Variants in CORO2B observed in about 807,000 individuals in gnomAD.
The protein encoded by CORO2B is coronin-2B.
Under a neutral mutation model 58.8 loss-of-function variants are expected in CORO2B, and 26 were observed. That is an observed-to-expected ratio of 0.44 (90% CI 0.32 to 0.61). CORO2B has a LOEUF of 0.61. Ranked by LOEUF, CORO2B falls within the 20% of genes least tolerant of loss-of-function variation. The pLI, the probability that CORO2B is intolerant of heterozygous loss-of-function variation, is 0.04. For synonymous variants in CORO2B, 242 were observed against 253.8 expected, an observed-to-expected ratio of 0.95 and a Z score of 0.44; for missense variants, 460 against 645.1, an observed-to-expected ratio of 0.71 and a Z score of 3.11.
intron 2 of CORO2B, among the ~76,000 whole-genome samples, chr15:68,653,659 A>G (rs1283319474): frequency 6.6e-6 from 1 of 152,194 alleles, no homozygotes; most frequent in Non-Finnish European, 1.5e-5. Flanking sequence ...TGGATCATTT[A>G]GCTCCATAGC....
At chr15:68,642,343 G>A (rs1901277403) in intron 1 of CORO2B, among the ~76,000 whole-genome samples, 1 of 152,198 alleles carries the variant, frequency 6.6e-6, no homozygotes, top group African/African-American at 2.4e-5. Flanking sequence ...GTACCCCAGG[G>A]AGAGCCTGCG....
chr15:68,718,712 C>T lies in CORO2B; in HGVS notation c.982C>T (p.His328Tyr), dbSNP rs1185177643. Reference protein sequence around the residue: ...PQKGLGVMPKHGLDVSACEVF... With the variant: ...PQKGLGVMPKYGLDVSACEVF... ...GCCTGTTACAGGGGTCATGCCCAAGCACGGGCTGGATGTGTCAGCCTGCGA... is the reference window on the plus strand; with the variant it reads ...GCCTGTTACAGGGGTCATGCCCAAGTACGGGCTGGATGTGTCAGCCTGCGA... The change falls in exon 9 of 12, where the codon CAC becomes TAC. Residue 328 changes from histidine (H) to tyrosine (Y), a missense_variant. Coordinates refer to ENST00000261861, the MANE Select transcript of CORO2B (RefSeq NM_006091.5). 6.2e-7 allele frequency: 1 copy of T among 1,614,034 alleles called. No individual in the cohort carries two copies. The highest frequency in any genetic ancestry group is 8.5e-7 in the Non-Finnish European group (1 of 1,180,022).
intron 1 of CORO2B, among the ~76,000 whole-genome samples, chr15:68,618,534 C>T (rs947212666): frequency 1.2e-4 from 18 of 152,194 alleles, no homozygotes; most frequent in African/African-American, 3.6e-4. Flanking sequence ...GGCGTGAGTG[C>T]GCAGCTGAGG....
chr15:68,603,219 C>T lies in CORO2B; in HGVS notation c.15+23942C>T, dbSNP rs560309494. On this transcript the variant is annotated intron_variant, in intron 1 of 11. Transcript: ENST00000261861. ...TCCCAGGGCTAACACAGTACGTGGT[C>T]GCAGTAGGTGCTTACTAAACTAGTT... Among the ~76,000 whole-genome samples the T allele has an allele frequency of 3.1e-4, 47 of 152,230 alleles. No homozygotes were observed. The South Asian group carries it at 7.0e-3, about 23-fold the overall frequency.
the CORO2B span, among the ~76,000 whole-genome samples, chr15:68,524,018 G>C: frequency 2.0e-5 from 3 of 152,238 alleles, no homozygotes; most frequent in South Asian, 6.2e-4. Context: ...TTGAGCCCAG[G>C]AGTTCAAGAC....
intron 2 of CORO2B, among the ~76,000 whole-genome samples, chr15:68,675,564 C>A (rs987164108): frequency 6.6e-6 from 1 of 152,064 alleles, no homozygotes; most frequent in Non-Finnish European, 1.5e-5. Flanking sequence ...GACCATGAAC[C>A]CTTCTGAGCC....
chr15:68,563,487 TA>T, the CORO2B span, among the ~76,000 whole-genome samples: 103,335 of 139,460 alleles, frequency 0.74, 38,029 homozygotes, highest in East Asian at 0.87. Flanking sequence ...ATTCTGTCTT[TA>T]AAAAAAAAAA....
intron 1 of CORO2B, among the ~76,000 whole-genome samples, chr15:68,586,193 ATTG>A (rs1438340026): frequency 2.0e-5 from 3 of 152,140 alleles, no homozygotes; most frequent in Admixed American, 2.0e-4. Flanking sequence ...ACTATTAAGG[ATTG>A]TTATTAAGAT....
At chr15:68,605,711 G>GTTTTTTTTTTTT (rs35340917) in intron 1 of CORO2B, among the ~76,000 whole-genome samples, 1 of 99,094 alleles carries the variant, frequency 1.0e-5, no homozygotes, top group Non-Finnish European at 1.9e-5. Context: ...GGGCTCTTGG[G>GTTTTTTTTTTTT]TTTTTTTTTT....
the CORO2B span, among the ~76,000 whole-genome samples, chr15:68,570,365 T>G: frequency 6.6e-6 from 1 of 152,244 alleles, no homozygotes; most frequent in Non-Finnish European, 1.5e-5. Context: ...ACTATTGATC[T>G]GTGGTTTTCT....
the CORO2B span, among the ~76,000 whole-genome samples, chr15:68,534,666 G>A: frequency 6.6e-6 from 1 of 152,090 alleles, no homozygotes; most frequent in East Asian, 1.9e-4. Flanking sequence ...CTTCCTACAT[G>A]TTCCAACACA....
chr15:68,690,649 T>TC (rs762490603), intron 2 of CORO2B, among the ~76,000 whole-genome samples: 2,790 of 141,314 alleles, frequency 0.02, 86 homozygotes, highest in East Asian at 0.075. Context: ...TAGCTTTCTT[T>TC]TTTTTTTTTT....
At chr15:68,642,151 T>C (rs1901268922) in intron 1 of CORO2B, among the ~76,000 whole-genome samples, 1 of 151,258 alleles carries the variant, frequency 6.6e-6, no homozygotes, top group African/African-American at 2.4e-5. Flanking sequence ...ATTCTCCTGC[T>C]TCAGCCTCCC....
intron 1 of CORO2B, among the ~76,000 whole-genome samples, chr15:68,621,953 A>G (rs1267137497): frequency 6.6e-6 from 1 of 151,746 alleles, no homozygotes; most frequent in Admixed American, 6.6e-5. Context: ...ATTTGTAGAG[A>G]TAGGTTCTCA....
chr15:68,617,870 T>C (rs962747830), intron 1 of CORO2B, among the ~76,000 whole-genome samples: 3 of 152,068 alleles, frequency 2.0e-5, no homozygotes, highest in South Asian at 4.2e-4. Flanking sequence ...TGGCTGAATG[T>C]GGGGGTTTGC....
At chr15:68,716,444 G>A (rs1054299905) in intron 8 of CORO2B, among the ~76,000 whole-genome samples, 1 of 152,202 alleles carries the variant, frequency 6.6e-6, no homozygotes, top group Non-Finnish European at 1.5e-5. Flanking sequence ...AACAGTTATT[G>A]ACCTCCAGCT....
chr15:68,588,021 A>G (rs6494756), intron 1 of CORO2B, among the ~76,000 whole-genome samples: 117,303 of 152,188 alleles, frequency 0.77, 45,337 homozygotes, highest in Middle Eastern at 0.88. Context: ...TGTGAAAATG[A>G]AGTTAGTAGT....
chr15:68,673,850 A>G (rs922604238), intron 2 of CORO2B, among the ~76,000 whole-genome samples: 2 of 151,602 alleles, frequency 1.3e-5, no homozygotes, highest in Admixed American at 6.6e-5. Flanking sequence ...AAAAAAAAAA[A>G]AAAAAAAAGG....
chr15:68,530,930 T>A, the CORO2B span, among the ~76,000 whole-genome samples: 7 of 152,328 alleles, frequency 4.6e-5, no homozygotes, highest in South Asian at 1.5e-3. Flanking sequence ...GTTAATGTAA[T>A]TTTTGGTATA....
Sources: allele counts gnomAD v4.1 joint callset (sites outside exome capture counted in the v4.1 genomes callset), GRCh38; gene constraint gnomAD v4.1.1; transcripts MANE v1.5; gene names NCBI Gene and HGNC (gene_info 2026-07-23, HGNC 2026-07-21).